TAF3: variants seen among roughly 807,000 people sequenced by gnomAD.
TAF3 encodes the protein transcription initiation factor TFIID subunit 3.
In TAF3, 7 loss-of-function variants were observed where a neutral mutation model predicts 80.6. That is an observed-to-expected ratio of 0.09 (90% CI 0.05 to 0.16). The LOEUF (loss-of-function observed/expected upper bound fraction) is 0.16. Ranked by LOEUF, TAF3 falls within the 10% of genes least tolerant of loss-of-function variation. TAF3 has a pLI of 1.00. For synonymous variants in TAF3, 444 were observed against 446.1 expected, an observed-to-expected ratio of 1.00 and a Z score of 0.06; for missense variants, 921 against 1,140.2, an observed-to-expected ratio of 0.81 and a Z score of 2.77.
At chr10:7,987,891 G>C (rs1831793597) in intron 4 of TAF3, among the ~76,000 whole-genome samples, 1 of 152,120 alleles carries the variant, frequency 6.6e-6, no homozygotes, top group African/African-American at 2.4e-5. Flanking sequence ...TCTGAAATCT[G>C]TAGGTCCTTG....
chr10:7,957,440 C>G (rs1838146560), intron 2 of TAF3, among the ~76,000 whole-genome samples: 1 of 152,086 alleles, frequency 6.6e-6, no homozygotes, highest in Non-Finnish European at 1.5e-5. Flanking sequence ...ACAAGGTTAA[C>G]TTTCCAAGGC....
intron 6 of TAF3, among the ~76,000 whole-genome samples, chr10:8,014,356 C>T (rs556076317): frequency 5.1e-4 from 78 of 152,258 alleles, no homozygotes; most frequent in African/African-American, 1.7e-3. Flanking sequence ...TTATGATAGA[C>T]GATATCTGTG....
At chr10:7,885,456 C>T (rs1837401225) in intron 2 of TAF3, among the ~76,000 whole-genome samples, 1 of 151,930 alleles carries the variant, frequency 6.6e-6, no homozygotes, top group South Asian at 2.1e-4. Flanking sequence ...CAGAATTATA[C>T]AAAAAAGGTA....
chr10:7,961,680 T>C (rs1032021063), intron 2 of TAF3, among the ~76,000 whole-genome samples: 1 of 152,226 alleles, frequency 6.6e-6, no homozygotes, highest in African/African-American at 2.4e-5. Flanking sequence ...TGTCCTGTTT[T>C]CTGATCATCT....
At chr10:7,896,779 A>G (rs371724490) in intron 2 of TAF3, among the ~76,000 whole-genome samples, 4 of 152,218 alleles carry the variant, frequency 2.6e-5, no homozygotes, top group African/African-American at 9.6e-5. Flanking sequence ...GTTATTTTCA[A>G]CAGTTTCTGT....
intron 2 of TAF3, among the ~76,000 whole-genome samples, chr10:7,862,310 G>A (rs1049003140): frequency 3.3e-5 from 5 of 152,058 alleles, no homozygotes; most frequent in African/African-American, 1.2e-4. Context: ...TTATGTTCTT[G>A]ACATTGTGAG....
intron 2 of TAF3, among the ~76,000 whole-genome samples, chr10:7,849,269 A>G (rs1837002870): frequency 6.6e-6 from 1 of 152,136 alleles, no homozygotes; most frequent in African/African-American, 2.4e-5. Flanking sequence ...GAATTCAGAC[A>G]GTCTGACTCT....
intron 4 of TAF3, among the ~76,000 whole-genome samples, chr10:8,008,258 G>C (rs924943207): frequency 6.6e-6 from 1 of 151,926 alleles, no homozygotes. Context: ...CACTGCACCC[G>C]GCTAATTTTT....
chr10:7,857,395 G>C (rs1041688499), intron 2 of TAF3, among the ~76,000 whole-genome samples: 62 of 152,328 alleles, frequency 4.1e-4, no homozygotes, highest in African/African-American at 1.4e-3. Flanking sequence ...CCCTTAAACA[G>C]TCTGTCCGGG....
intron 2 of TAF3, among the ~76,000 whole-genome samples, chr10:7,873,615 T>TCCCC (rs1491436619): frequency 2.4e-4 from 13 of 54,484 alleles, no homozygotes; most frequent in African/African-American, 5.9e-4. Flanking sequence ...ACATCCGAGT[T>TCCCC]CTCCCCCCCC....
At chr10:7,868,686 C>A (rs978110176) in intron 2 of TAF3, among the ~76,000 whole-genome samples, 2 of 152,194 alleles carry the variant, frequency 1.3e-5, no homozygotes, top group Non-Finnish European at 2.9e-5. Context: ...ACCCACATAA[C>A]AGGGTAGTAG....
intron 4 of TAF3, among the ~76,000 whole-genome samples, chr10:7,986,278 C>T (rs1221125032): frequency 2.6e-5 from 4 of 152,158 alleles, no homozygotes. Flanking sequence ...CTTCAAGAGT[C>T]AGACTAATCT....
chr10:7,852,961 A>G (rs1265316611), intron 2 of TAF3, among the ~76,000 whole-genome samples: 2 of 152,234 alleles, frequency 1.3e-5, no homozygotes, highest in South Asian at 2.1e-4. Context: ...TTTTGAAAGT[A>G]TCATTATGAT....
At chr10:7,845,080 C>T (rs1836956204) in intron 2 of TAF3, among the ~76,000 whole-genome samples, 1 of 152,080 alleles carries the variant, frequency 6.6e-6, no homozygotes, top group Non-Finnish European at 1.5e-5. Flanking sequence ...AGAGTTGTAT[C>T]AGTTTACAGT....
chr10:7,933,099 A>C (rs1176017553), intron 2 of TAF3, among the ~76,000 whole-genome samples: 1 of 24,626 alleles, frequency 4.1e-5, no homozygotes, highest in African/African-American at 7.4e-5. Context: ...TAAAGCAAAC[A>C]AAAAAAAAAA....
Position 7,964,990 on chromosome 10 carries a change from T to C in TAF3, c.1480T>C (p.Ser494Pro), listed in dbSNP as rs199497720. 396 of 1,613,868 alleles carry C rather than the reference T, an allele frequency of 2.5e-4. No homozygotes were observed. Among genetic ancestry groups the C allele is most frequent in the Non-Finnish European group, 3.2e-4 (373 of 1,180,032 alleles). Residue 494 changes from serine to proline, a missense_variant, in exon 3 of 7, where the codon TCT becomes CCT. By Grantham distance (74) the Ser-to-Pro change is moderately conservative. Around this residue, in one of 6 missense-constraint regions of TAF3, gnomAD observed 743 missense variants for 821.0 expected, o/e 0.90. Coordinates refer to ENST00000344293, the MANE Select transcript of TAF3 (RefSeq NM_031923.4). This position sits in a 1 kb window ranked among gnomAD's most constrained non-coding sequence, Gnocchi z 4.1. Reference protein sequence around the residue: ...NMPPNFPYISSPSVSPPTPEP... With the variant: ...NMPPNFPYISPPSVSPPTPEP... ...GCCCCCCAACTTTCCTTATATCTCT[T>C]CTCCGTCAGTGTCTCCTCCCACTCC...
chr10:7,887,273 A>T (rs914578855), intron 2 of TAF3, among the ~76,000 whole-genome samples: 2 of 151,484 alleles, frequency 1.3e-5, no homozygotes, highest in African/African-American at 4.9e-5. Flanking sequence ...TAAGGAAATG[A>T]TGAGGAAAAC....
chr10:7,929,253 T>G (rs937266400), intron 2 of TAF3, among the ~76,000 whole-genome samples: 5 of 111,472 alleles, frequency 4.5e-5, no homozygotes, highest in South Asian at 2.9e-4. Flanking sequence ...GTTTATTTTT[T>G]TTGTTGTTTT....
chr10:7,834,676 T>C (rs1836834342), intron 2 of TAF3, among the ~76,000 whole-genome samples: 1 of 152,222 alleles, frequency 6.6e-6, no homozygotes, highest in Admixed American at 6.5e-5. Flanking sequence ...CTGTCATCCA[T>C]ACTGAGAATT....
Sources: allele counts gnomAD v4.1 joint callset (sites outside exome capture counted in the v4.1 genomes callset), GRCh38; gene constraint gnomAD v4.1.1; regional missense constraint gnomAD v4.1.1; non-coding constraint Gnocchi (gnomAD v3.1); transcripts MANE v1.5; gene names NCBI Gene and HGNC (gene_info 2026-07-23, HGNC 2026-07-21).